Variants in DUOXA2 observed in about 807,000 individuals in gnomAD.
The protein encoded by DUOXA2 is dual oxidase maturation factor 2.
A neutral mutation model predicts 27.6 loss-of-function variants in DUOXA2; 22 were observed. The observed-to-expected ratio is 0.80, with a 90% CI of 0.57 to 1.14. The LOEUF is 1.14. Among genes scored for constraint, DUOXA2 ranks in the 50% most tolerant of loss-of-function variants. The probability of loss-of-function intolerance (pLI) is 0.00; values close to 1 mark genes in which losing one functional copy is unlikely to be tolerated. For synonymous variants in DUOXA2, 188 were observed against 184.4 expected, an observed-to-expected ratio of 1.02 and a Z score of -0.16; for missense variants, 481 against 419.9, an observed-to-expected ratio of 1.15 and a Z score of -1.27.
intron 2 of DUOXA2, 21 bp downstream of exon 2, chr15:45,115,877 A>T: frequency 3.1e-6 from 5 of 1,613,974 alleles, no homozygotes; most frequent in Non-Finnish European, 4.2e-6. Context: ...GGTGCAGCCC[A>T]TGGGGAGAGG....
Position 45,116,695 on chromosome 15 carries a change from C to T in DUOXA2, c.520C>T (p.His174Tyr), listed in dbSNP as rs1440780084. Residue 174 changes from histidine to tyrosine, a missense_variant, in exon 4 of 6, where the codon CAC becomes TAC. Transcript: ENST00000323030. The stretch of plus-strand genomic sequence containing the variant: ...CCCTTGCGGCCTGTACCACCAGTAC[C>T]ACCTGGCGGGACACTACGCCTCGGC... The part of the protein sequence containing the change: ...SSPCGLYHQY[H>Y]LAGHYASATL... 1.2e-6 allele frequency: 2 copies of T among 1,613,650 alleles called. No homozygotes were observed. The highest frequency in any genetic ancestry group is 2.2e-5 in the East Asian group (1 of 44,882).
rs767813041 is a variant in DUOXA2 at position 45,114,621 on chromosome 15, G to A, written c.16G>A (p.Gly6Ser). MTLWNGVLPFYPQPRH... is the reference protein window; with the variant it reads MTLWNSVLPFYPQPRH... ...GGCGTGCAGCATGACCCTGTGGAAC[G>A]GCGTACTGCCTTTTTACCCCCAGCC... The change falls in exon 1 of 6, where the codon GGC becomes AGC. Residue 6 changes from glycine (G) to serine (S), a missense_variant. Transcript: ENST00000323030. The A allele has an allele frequency of 3.7e-6, 6 of 1,614,122 alleles. 1 individual carries two copies. The highest frequency in any genetic ancestry group is 3.3e-5 in the South Asian group (3 of 91,082).
At chr15:45,117,652 C>A (rs1566984167) in intron 5 of DUOXA2, 64 bp from the exon 6 acceptor site, 2 of 1,613,826 alleles carry the variant, frequency 1.2e-6, no homozygotes, top group Non-Finnish European at 1.7e-6. Context: ...GAGTTCGAGA[C>A]CAGCCTGGGC....
In DUOXA2 at chr15:45,116,992, G is replaced by A. The variant is rs1894670752; in HGVS notation, c.555-99G>A. On this transcript the variant is annotated intron_variant, in intron 4 of 5. Transcript: ENST00000323030. ...TGCACCGCTGCCATCCCAGTCCCTG[G>A]CTTTGACGCTGGGGTAGGGATAAAG... 14 of 1,404,472 alleles carry A rather than the reference G, an allele frequency of 1.0e-5. No homozygotes were observed. In the East Asian group the frequency reaches 3.5e-4, roughly 35 times the overall value. The allele number at this position is 1,404,472 out of a possible 1,614,324, so 87.0% of individuals were successfully genotyped here. A position where few individuals can be genotyped will look rare whatever the true frequency, so the allele number is the denominator to read the frequency against.
At position 45,114,458 on chromosome 15, in the gene DUOXA2, G is replaced by A. The variant is rs1894548801; in HGVS notation, c.-148G>A. On this transcript the variant is annotated 5_prime_UTR_variant, in exon 1 of 6. Transcript: ENST00000323030. ...AGCCCACCTCCACGCTTCCTTAACG[G>A]AGAGGTGCAGGACTCAGACTTCACC... The A allele has an allele frequency of 1.9e-5, 20 of 1,051,130 alleles. No individual in the cohort carries two copies. The South Asian group carries it at 2.8e-4, about 15-fold the overall frequency. 65.1% of individuals were successfully genotyped at this position (1,051,130 alleles called of 1,614,324 possible).
chr15:45,117,255 C>G lies in DUOXA2; in HGVS notation c.719C>G (p.Ser240Cys), dbSNP rs767104514. The change falls in exon 5 of 6, where the codon TCC becomes TGC. Residue 240 changes from serine to cysteine, a missense_variant. Transcript: ENST00000323030. ...VPLCPLRLGS[S>C]ALTTQYGAAF... Reference sequence around the variant, plus strand: ...CTCTGCCCGCTCCGCCTAGGCTCCTCCGCGCTCACCACTCAGTACGGCGCC... The same window carrying G: ...CTCTGCCCGCTCCGCCTAGGCTCCTGCGCGCTCACCACTCAGTACGGCGCC... 6.2e-7 allele frequency: 1 copy of G among 1,609,820 alleles called. No homozygotes were observed.
At chr15:45,115,726 G>T in intron 1 of DUOXA2, 73 bp from the exon 2 acceptor site, 1 of 1,567,432 alleles carries the variant, frequency 6.4e-7, no homozygotes, top group Non-Finnish European at 8.8e-7. Context: ...TCCAGGTGAA[G>T]TGGGGTCAAG....
In DUOXA2 at chr15:45,114,356, G is replaced by A. The variant is rs746563837; in HGVS notation, c.-250G>A. On this transcript the variant is annotated 5_prime_UTR_variant, in exon 1 of 6. Coordinates refer to ENST00000323030, the MANE Select transcript of DUOXA2 (RefSeq NM_207581.4). ...CAACCCGCAGAACCAGGAAAGTAAC[G>A]GCTACAGACAGTGAGAAATAGTTTC... 6 of 560,188 alleles carry A rather than the reference G, an allele frequency of 1.1e-5. No individual in the cohort carries two copies. The highest frequency in any genetic ancestry group is 1.9e-5 in the Non-Finnish European group (6 of 313,198). 34.7% of individuals were successfully genotyped at this position (560,188 alleles called of 1,614,324 possible). A position where few individuals can be genotyped will look rare whatever the true frequency, so the allele number is the denominator to read the frequency against.
Position 45,116,500 on chromosome 15 carries a change from C to T in DUOXA2, c.341-16C>T. The T allele has an allele frequency of 1.2e-6, 2 of 1,613,418 alleles. No individual in the cohort carries two copies. Among genetic ancestry groups the T allele is most frequent in the African/African-American group, 1.3e-5 (1 of 75,062 alleles). ...TCCGACCGCGGGCAGCCCCATGAGC[C>T]CGCCTCACCCCACAGGGACCCCAGT... is the stretch of plus-strand genomic sequence containing the variant. On this transcript the variant is annotated splice_polypyrimidine_tract_variant and intron_variant, in intron 3 of 5. Transcript: ENST00000323030.
At position 45,118,193 on chromosome 15, in the gene DUOXA2, A is replaced by C; in HGVS notation, c.*284A>C. ...CGCTGGGCTGGAGACAGCCTAGTAC[A>C]CTCTCCGCAGTGCTGTGAAACCTGA... On this transcript the variant is annotated 3_prime_UTR_variant, in exon 6 of 6. Transcript: ENST00000323030. 1 of 1,422,606 alleles carries C rather than the reference A, an allele frequency of 7.0e-7. No homozygotes were observed. Among genetic ancestry groups the C allele is most frequent in the Non-Finnish European group, 9.1e-7 (1 of 1,093,838 alleles). The allele number at this position is 1,422,606 out of a possible 1,614,324, so 88.1% of individuals were successfully genotyped here.
At position 45,114,562 on chromosome 15, in the gene DUOXA2, G is replaced by A. The variant is rs1307823362; in HGVS notation, c.-44G>A. On this transcript the variant is annotated 5_prime_UTR_variant, in exon 1 of 6. Coordinates refer to ENST00000323030, the MANE Select transcript of DUOXA2 (RefSeq NM_207581.4). ...CGCGTCCAGGCAGCCCCAGCTTGCT[G>A]GCTTGCCTGCCCGCCTGCGTGCAGC... 1.2e-6 allele frequency: 2 copies of A among 1,610,986 alleles called. No homozygotes were observed. Among genetic ancestry groups the A allele is most frequent in the East Asian group, 4.5e-5 (2 of 44,824 alleles).
At chr15:45,115,565 T>C (rs1595532567) in intron 1 of DUOXA2, 1 of 677,384 alleles carries the variant, frequency 1.5e-6, no homozygotes, top group Non-Finnish European at 2.7e-6. Context: ...GAAGTGGGGG[T>C]GGAGGGGAGG....
At chr15:45,116,327 T>C in intron 3 of DUOXA2, 69 bp downstream of exon 3, 1 of 1,601,948 alleles carries the variant, frequency 6.2e-7, no homozygotes, top group South Asian at 1.1e-5. Context: ...GTGTCAGGGA[T>C]AGCTGGAGGG....
chr15:45,115,104 A>G (rs894005270), intron 1 of DUOXA2, among the ~76,000 whole-genome samples: 23 of 152,124 alleles, frequency 1.5e-4, no homozygotes, highest in Non-Finnish European at 2.8e-4. Flanking sequence ...CCGGTGGGTG[A>G]TGACCTTCAG....
At position 45,117,879 on chromosome 15, in the gene DUOXA2, A is replaced by G. The variant is rs2141172236; in HGVS notation, c.933A>G (p.Pro311=). The change falls in exon 6 of 6, where the codon CCA becomes CCG. Residue 311 remains proline, a synonymous_variant. Transcript: ENST00000323030. ...GDPLHKQAAL[P]DLKCITTNL is the part of the protein sequence containing the mutation. ...CACTGCACAAGCAGGCCGCTCTCCCAGACTTAAAATGTATCACCACTAACC... is the reference window on the plus strand; with the variant it reads ...CACTGCACAAGCAGGCCGCTCTCCCGGACTTAAAATGTATCACCACTAACC... 6.2e-7 allele frequency: 1 copy of G among 1,613,522 alleles called. No individual in the cohort carries two copies. Among genetic ancestry groups the G allele is most frequent in the South Asian group, 1.1e-5 (1 of 91,080 alleles).
At chr15:45,115,705 A>T in intron 1 of DUOXA2, 94 bp from the exon 2 acceptor site, 1 of 1,433,042 alleles carries the variant, frequency 7.0e-7, no homozygotes, top group Non-Finnish European at 9.8e-7. Flanking sequence ...AAGTCTGGAT[A>T]TAACTAAAGA....
Position 45,114,489 on chromosome 15 carries a change from A to T in DUOXA2, c.-117A>T. 5 of 1,438,676 alleles carry T rather than the reference A, an allele frequency of 3.5e-6. No individual in the cohort carries two copies. Among genetic ancestry groups the T allele is most frequent in the African/African-American group, 1.4e-5 (1 of 71,072 alleles). 89.1% of individuals were successfully genotyped at this position (1,438,676 alleles called of 1,614,324 possible). On this transcript the variant is annotated 5_prime_UTR_variant, in exon 1 of 6. Coordinates refer to ENST00000323030, the MANE Select transcript of DUOXA2 (RefSeq NM_207581.4). ...TGCAGGACTCAGACTTCACCAGCCC[A>T]CTCGGTCCCAGCCTTGTACGCAAAG...
Sources: allele counts gnomAD v4.1 joint callset (sites outside exome capture counted in the v4.1 genomes callset), GRCh38; gene constraint gnomAD v4.1.1; transcripts MANE v1.5; gene names NCBI Gene and HGNC (gene_info 2026-07-23, HGNC 2026-07-21).